Variants in RASSF3 observed in about 807,000 individuals in gnomAD.
The protein encoded by RASSF3 is Ras association domain family member 3, also known as ras association domain-containing protein 3.
Under a neutral mutation model 19.9 loss-of-function variants are expected in RASSF3, and 19 were observed. The observed-to-expected ratio is 0.96, with a 90% CI of 0.67 to 1.40. The LOEUF is 1.40. RASSF3 is among the 40% of genes most tolerant of loss of function. RASSF3 has a pLI of 0.00. For missense variants in RASSF3, 306 were observed against 289.8 expected, an observed-to-expected ratio of 1.06 and a Z score of -0.41; for synonymous variants, 110 against 104.2, an observed-to-expected ratio of 1.06 and a Z score of -0.34.
chr12:64,614,556 A>AGGCTG (rs1870487842), intron 1 of RASSF3, among the ~76,000 whole-genome samples: 2 of 152,208 alleles, frequency 1.3e-5, no homozygotes, highest in Non-Finnish European at 2.9e-5. Context: ...GATAGCAAGA[A>AGGCTG]GGCTGGAACT....
intron 1 of RASSF3, among the ~76,000 whole-genome samples, chr12:64,662,927 G>T (rs879630646): frequency 6.6e-6 from 1 of 152,136 alleles, no homozygotes; most frequent in Non-Finnish European, 1.5e-5. Flanking sequence ...CTCAGGGGGA[G>T]ATGTCTTTGG....
At chr12:64,629,100 A>G (rs1421821385) in intron 1 of RASSF3, among the ~76,000 whole-genome samples, 1 of 147,402 alleles carries the variant, frequency 6.8e-6, no homozygotes, top group East Asian at 2.0e-4. Flanking sequence ...ACACCCGACT[A>G]ATTTTCTTTT....
At chr12:64,507,398 T>C in intron 1 of RASSF3, 1 of 397,916 alleles carries the variant, frequency 2.5e-6, no homozygotes, top group Non-Finnish European at 4.4e-6. Context: ...CATTTTAAAA[T>C]GGAGCCTCCC....
chr12:64,676,772 CTTTT>C (rs1347528750), intron 1 of RASSF3, among the ~76,000 whole-genome samples: 1 of 129,108 alleles, frequency 7.7e-6, no homozygotes. Context: ...CACCTGGCCA[CTTTT>C]TTTTTTTTTT....
chr12:64,653,624 GC>G (rs1392956362), intron 1 of RASSF3, among the ~76,000 whole-genome samples: 1 of 151,638 alleles, frequency 6.6e-6, no homozygotes, highest in African/African-American at 2.4e-5. Flanking sequence ...GAGTGCATTG[GC>G]GCAAACATGG....
intron 1 of RASSF3, among the ~76,000 whole-genome samples, chr12:64,639,946 A>C (rs1871457766): frequency 6.6e-6 from 1 of 152,232 alleles, no homozygotes; most frequent in Non-Finnish European, 1.5e-5. Flanking sequence ...GCAACGTGAA[A>C]GATCTCCTTG....
intron 1 of RASSF3, among the ~76,000 whole-genome samples, chr12:64,660,532 G>A (rs904233248): frequency 2.0e-5 from 3 of 152,140 alleles, no homozygotes; most frequent in Non-Finnish European, 2.9e-5. Context: ...TCATAAGGAA[G>A]ATTAATACTT....
intron 3 of RASSF3, among the ~76,000 whole-genome samples, chr12:64,689,220 G>T (rs868046749): frequency 1.4e-5 from 2 of 147,444 alleles, no homozygotes; most frequent in East Asian, 4.0e-4. Context: ...TTGAAATCGG[G>T]GTGTGTGTGT....
At chr12:64,553,239 A>G (rs905415974) in intron 2 of RASSF3, among the ~76,000 whole-genome samples, 1 of 152,198 alleles carries the variant, frequency 6.6e-6, no homozygotes, top group African/African-American at 2.4e-5. Flanking sequence ...AACTTTGTTA[A>G]TATCATTATT....
intron 1 of RASSF3, among the ~76,000 whole-genome samples, chr12:64,513,541 A>ACCAAAGGG (rs1469963448): frequency 6.6e-6 from 1 of 151,940 alleles, no homozygotes; most frequent in Non-Finnish European, 1.5e-5. Flanking sequence ...ATAACCTAAC[A>ACCAAAGGG]CCAAAGGGCC....
At chr12:64,522,104 T>A (rs1026840170) in intron 1 of RASSF3, among the ~76,000 whole-genome samples, 1 of 152,226 alleles carries the variant, frequency 6.6e-6, no homozygotes, top group Non-Finnish European at 1.5e-5. Context: ...TGAAAGCAGA[T>A]GCTTTTGGAA....
chr12:64,663,978 C>T (rs893460084), intron 1 of RASSF3, among the ~76,000 whole-genome samples: 2 of 151,648 alleles, frequency 1.3e-5, no homozygotes, highest in Admixed American at 6.6e-5. Flanking sequence ...TCTATGGCAG[C>T]ACGCCAATAT....
chr12:64,605,533 T>G (rs1046355073), upstream of RASSF3, among the ~76,000 whole-genome samples: 1 of 152,068 alleles, frequency 6.6e-6, no homozygotes, highest in African/African-American at 2.4e-5. Flanking sequence ...ATATGACTAT[T>G]CCAGCAGGAA....
chr12:64,655,864 T>C (rs1055070795), intron 1 of RASSF3, among the ~76,000 whole-genome samples: 41 of 151,770 alleles, frequency 2.7e-4, no homozygotes, highest in African/African-American at 8.9e-4. Context: ...CTGTCTCTAC[T>C]AAAAATATGA....
chr12:64,672,371 C>T (rs1270377569), intron 1 of RASSF3, among the ~76,000 whole-genome samples: 2 of 151,872 alleles, frequency 1.3e-5, no homozygotes, highest in Non-Finnish European at 2.9e-5. Context: ...GATTACAGGC[C>T]GGTGCCACCA....
intron 1 of RASSF3, among the ~76,000 whole-genome samples, chr12:64,613,252 G>A (rs190717196): frequency 6.6e-6 from 1 of 152,176 alleles, no homozygotes; most frequent in East Asian, 1.9e-4. Flanking sequence ...AATAAGATAA[G>A]CACTTCTGAC....
chr12:64,645,245 TAATG>T (rs1871688187), intron 1 of RASSF3, among the ~76,000 whole-genome samples: 2 of 152,324 alleles, frequency 1.3e-5, no homozygotes, highest in South Asian at 4.1e-4. Flanking sequence ...ATTCATTAAT[TAATG>T]TATTAAGTGA....
At chr12:64,654,859 C>CT (rs1872101506) in intron 1 of RASSF3, 1 of 151,910 alleles carries the variant, frequency 6.6e-6, no homozygotes, top group African/African-American at 2.4e-5. Context: ...GAACGAGACT[C>CT]TGTCAAAATA....
rs1402594786 is a variant in RASSF3 at position 64,641,639 on chromosome 12, T to C, written c.111+30896T>C. 2.5e-4 allele frequency among the ~76,000 whole-genome samples: 28 copies of C among 111,514 alleles called. 1 individual carries two copies. Among genetic ancestry groups the C allele is most frequent in the Admixed American group, 3.2e-4 (4 of 12,506 alleles). 73.2% of individuals were successfully genotyped at this position (111,514 alleles called of 152,430 possible). On this transcript the variant is annotated intron_variant, in intron 1 of 4. Transcript: ENST00000542104. ...GGTGAGACCCCATCTCTCTCTCTCT[T>C]TTTTTTTTTTTTTTTAAGTTACTGA...
Sources: allele counts gnomAD v4.1 joint callset (sites outside exome capture counted in the v4.1 genomes callset), GRCh38; gene constraint gnomAD v4.1.1; transcripts MANE v1.5; gene names NCBI Gene and HGNC (gene_info 2026-07-23, HGNC 2026-07-21).